NBEAL1: variants seen among roughly 807,000 people sequenced by gnomAD.
NBEAL1 encodes the protein neurobeachin-like protein 1.
In NBEAL1, 273 loss-of-function variants were observed where a neutral mutation model predicts 351.3. That is an observed-to-expected ratio of 0.78 (90% CI 0.70 to 0.86). The LOEUF (loss-of-function observed/expected upper bound fraction) is 0.86, where lower values mean the gene tolerates loss of function less well. Ranked by LOEUF, NBEAL1 falls within the 40% of genes least tolerant of loss-of-function variation. The pLI is 0.00. For missense variants in NBEAL1, 2,961 were observed against 3,201.3 expected (o/e 0.92, Z 1.81); for synonymous variants, 1,050 against 1,086.4 (o/e 0.97, Z 0.66).
Position 203,107,738 on chromosome 2 carries a change from A to G in NBEAL1, c.1499A>G (p.Lys500Arg). The change falls in exon 14 of 56, where the codon AAA (lysine) becomes AGA (arginine). Residue 500 changes from lysine to arginine, a missense_variant. Transcript: ENST00000683969. The stretch of plus-strand genomic sequence containing the variant: ...CAAATCTTCATCTCTGATTGGCTGA[A>G]AAGAATTTGTTGTATTAATAGACAG... ...DLQIFISDWLKRICCINRQSR... is the reference protein window; with the variant it reads ...DLQIFISDWLRRICCINRQSR... 1 of 1,553,916 alleles carries G rather than the reference A, an allele frequency of 6.4e-7. No individual in the cohort carries two copies. The highest frequency in any genetic ancestry group is 8.7e-7 in the Non-Finnish European group (1 of 1,147,580).
At chr2:203,170,145 C>T (rs1262714115) in intron 39 of NBEAL1, among the ~76,000 whole-genome samples, 4 of 151,988 alleles carry the variant, frequency 2.6e-5, no homozygotes, top group South Asian at 2.1e-4. Flanking sequence ...CTGAGGCAGG[C>T]GGATCACCTG....
chr2:203,074,422 G>T (rs2061735427), intron 7 of NBEAL1, among the ~76,000 whole-genome samples: 1 of 150,594 alleles, frequency 6.6e-6, no homozygotes, highest in African/African-American at 2.4e-5. Flanking sequence ...CCGCCTCCCG[G>T]GTTCAAGCGA....
intron 31 of NBEAL1, among the ~76,000 whole-genome samples, chr2:203,141,251 G>A (rs1367990328): frequency 6.9e-6 from 1 of 145,942 alleles, no homozygotes; most frequent in Non-Finnish European, 1.5e-5. Flanking sequence ...TAAACAAAAT[G>A]TGTATTTATT....
chr2:203,060,297 AT>A (rs980638787), intron 6 of NBEAL1, among the ~76,000 whole-genome samples: 6 of 152,094 alleles, frequency 3.9e-5, no homozygotes, highest in Non-Finnish European at 8.8e-5. Context: ...CAAAAAGAAA[AT>A]TTTTTTGATA....
chr2:203,136,799 CA>C, intron 29 of NBEAL1, 25 bp downstream of exon 29: 9 of 1,601,364 alleles, frequency 5.6e-6, no homozygotes, highest in Non-Finnish European at 7.7e-6. Context: ...AGTGATTTTC[CA>C]TCCTCCTTTT....
At chr2:203,208,520 G>C (rs1442267042) in intron 51 of NBEAL1, 117 bp from the exon 52 acceptor site, 15 of 697,332 alleles carry the variant, frequency 2.2e-5, no homozygotes, top group Non-Finnish European at 3.8e-5. Flanking sequence ...TAGACTCAGT[G>C]GTTGTAACTA....
At chr2:203,172,920 A>G (rs2064370348) in intron 41 of NBEAL1, 67 bp downstream of exon 41, 3 of 1,439,130 alleles carry the variant, frequency 2.1e-6, no homozygotes, top group Non-Finnish European at 1.8e-6. Context: ...ATTTTTTACT[A>G]TGGCCAACCA....
At chr2:203,076,561 A>T (rs573438227) in intron 7 of NBEAL1, among the ~76,000 whole-genome samples, 1 of 147,268 alleles carries the variant, frequency 6.8e-6, no homozygotes, top group South Asian at 2.2e-4. Context: ...AAAAAGTATG[A>T]TGCAGGAGTA....
chr2:203,028,200 A>G (rs1175435044), intron 2 of NBEAL1, among the ~76,000 whole-genome samples: 1 of 146,558 alleles, frequency 6.8e-6, no homozygotes, highest in Non-Finnish European at 1.5e-5. Flanking sequence ...TTTTTTTTTT[A>G]AGAGACAGGG....
At chr2:203,140,684 AATG>A (rs949455446) in intron 31 of NBEAL1, among the ~76,000 whole-genome samples, 3 of 151,864 alleles carry the variant, frequency 2.0e-5, no homozygotes, top group Non-Finnish European at 4.4e-5. Flanking sequence ...ACTTAAAAAA[AATG>A]ATTATACTCT....
chr2:203,148,269 T>G (rs1001784853), intron 33 of NBEAL1, among the ~76,000 whole-genome samples: 38 of 152,032 alleles, frequency 2.5e-4, no homozygotes, highest in African/African-American at 9.2e-4. Flanking sequence ...CCTCAGAGAA[T>G]TAGCTAAGAG....
intron 17 of NBEAL1, 147 bp from the exon 18 acceptor site, chr2:203,115,838 A>G (rs759888091): frequency 2.5e-5 from 14 of 558,156 alleles, no homozygotes; most frequent in Non-Finnish European, 4.4e-5. Context: ...TGGAATATGG[A>G]AACAAAGTAA....
chr2:203,213,402 T>G, intron 54 of NBEAL1, 116 bp from the exon 55 acceptor site: 1 of 926,436 alleles, frequency 1.1e-6, no homozygotes, highest in Non-Finnish European at 1.6e-6. Flanking sequence ...AGTTCCCACA[T>G]CTGTAAAATT....
At chr2:203,166,364 A>C in intron 37 of NBEAL1, 67 bp downstream of exon 37, 1 of 1,417,306 alleles carries the variant, frequency 7.1e-7, no homozygotes, top group Non-Finnish European at 9.6e-7. Flanking sequence ...TCAATCATGA[A>C]TGAGAAGAAG....
At chr2:203,149,675 C>T (rs907645920) in intron 34 of NBEAL1, among the ~76,000 whole-genome samples, 3 of 152,060 alleles carry the variant, frequency 2.0e-5, no homozygotes, top group African/African-American at 7.2e-5. Flanking sequence ...AACTTCATAA[C>T]ATTTTTATCA....
chr2:203,080,143 C>T (rs1278968501), intron 8 of NBEAL1, among the ~76,000 whole-genome samples: 1 of 151,722 alleles, frequency 6.6e-6, no homozygotes, highest in Admixed American at 6.6e-5. Flanking sequence ...GGCATGGTGG[C>T]TCACCCCTGT....
chr2:203,107,963 A>G lies in NBEAL1; in HGVS notation c.1724A>G (p.Tyr575Cys), dbSNP rs1472760241. The change falls in exon 14 of 56, where the codon TAT becomes TGT. Residue 575 changes from tyrosine to cysteine, a missense_variant. Tyr to Cys is a radical substitution (Grantham distance 194, BLOSUM62 -2). Coordinates refer to ENST00000683969, the MANE Select transcript of NBEAL1 (RefSeq NM_001378026.1). Reference protein sequence around the residue: ...RVDESESVHPYVTPVTRAILT... With the variant: ...RVDESESVHPCVTPVTRAILT... ...GATGAATCTGAGTCTGTTCACCCTTATGTCACTCCCGTGACTCGAGCAATC... is the reference window on the plus strand; with the variant it reads ...GATGAATCTGAGTCTGTTCACCCTTGTGTCACTCCCGTGACTCGAGCAATC... 9.7e-6 allele frequency: 15 copies of G among 1,554,374 alleles called. No homozygotes were observed. The Admixed American group carries it at 1.8e-4, about 18-fold the overall frequency.
Position 203,175,229 on chromosome 2 carries a change from C to T in NBEAL1, c.6406C>T (p.His2136Tyr). 1 of 1,613,866 alleles carries T rather than the reference C, an allele frequency of 6.2e-7. No homozygotes were observed. Among genetic ancestry groups the T allele is most frequent in the Non-Finnish European group, 8.5e-7 (1 of 1,179,848 alleles). ...THYSNSAGVM[H>Y]YLIRVEPFTT... ...CTATTCAAATTCTGCGGGGGTCATG[C>T]ACTATCTCATTCGTGTAGAACCGTT... is the stretch of plus-strand genomic sequence containing the variant. Residue 2136 changes from histidine (H) to tyrosine (Y), a missense_variant, in exon 42 of 56, where the codon CAC becomes TAC. Coordinates refer to ENST00000683969, the MANE Select transcript of NBEAL1 (RefSeq NM_001378026.1).
At position 203,138,613 on chromosome 2, in the gene NBEAL1, G is replaced by A; in HGVS notation, c.4720-7G>A. 6.4e-7 allele frequency: 1 copy of A among 1,571,330 alleles called. No homozygotes were observed. The highest frequency in any genetic ancestry group is 8.6e-7 in the Non-Finnish European group (1 of 1,167,528). ...TTTTATTTCTCAATTTTTTTCCTTT[G>A]TGATAGCTTTTAGAGGATATGATGC... On this transcript the variant is annotated splice_region_variant and splice_polypyrimidine_tract_variant and intron_variant, in intron 30 of 55. Transcript: ENST00000683969.
Sources: gnomAD v4.1 joint callset for allele counts (sites outside exome capture counted in the v4.1 genomes callset) on GRCh38, gnomAD v4.1.1 for gene constraint, MANE v1.5 for transcripts, NCBI Gene and HGNC (gene_info 2026-07-23, HGNC 2026-07-21) for gene names.